FGF23: variants seen among roughly 807,000 people sequenced by gnomAD.
The protein encoded by FGF23 is phosphatonin.
A neutral mutation model predicts 9.0 loss-of-function variants in FGF23; 8 were observed. The ratio of observed to expected loss-of-function variants is 0.89; its 90% CI spans 0.52 to 1.60. FGF23 has a LOEUF of 1.60. Among genes scored for constraint, FGF23 ranks in the 40% most tolerant of loss-of-function variants. The pLI, the probability that FGF23 is intolerant of heterozygous loss-of-function variation, is 0.00. For synonymous variants in FGF23, 118 were observed against 146.2 expected, an observed-to-expected ratio of 0.81 and a Z score of 1.39; for missense variants, 311 against 344.3, an observed-to-expected ratio of 0.90 and a Z score of 0.77.
rs781325250 is a variant in FGF23 at position 4,370,697 on chromosome 12, G to A, written c.402C>T (p.Phe134=). The A allele has an allele frequency of 6.2e-7, 1 of 1,614,172 alleles. No individual in the cohort carries two copies. Among genetic ancestry groups the A allele is most frequent in the African/African-American group, 1.3e-5 (1 of 75,062 alleles). The part of the protein sequence containing the change: ...YDVYHSPQYH[F]LVSLGRAKRA... Reference sequence around the variant, plus strand: ...TCTTCGCCCGGCCCAGACTGACCAGGAAGTGATACTGAGGAGAGTGGTAGA... The same window carrying A: ...TCTTCGCCCGGCCCAGACTGACCAGAAAGTGATACTGAGGAGAGTGGTAGA... Residue 134 remains phenylalanine, a synonymous_variant, in exon 3 of 3, where the codon TTC becomes TTT. Transcript: ENST00000237837.
intron 1 of FGF23, among the ~76,000 whole-genome samples, chr12:4,374,558 G>C (rs943375989): frequency 1.3e-5 from 2 of 151,682 alleles, no homozygotes; most frequent in African/African-American, 4.8e-5. Flanking sequence ...GCTGAGGCAG[G>C]AGAATGGCAT....
chr12:4,370,484 G>C lies in FGF23; in HGVS notation c.615C>G (p.Ser205=). The C allele has an allele frequency of 6.2e-7, 1 of 1,612,040 alleles. No homozygotes were observed. Among genetic ancestry groups the C allele is most frequent in the South Asian group, 1.1e-5 (1 of 91,034 alleles). The change falls in exon 3 of 3, where the codon TCC becomes TCG. Residue 205 remains serine (S), a synonymous_variant. Transcript: ENST00000237837. ...CGGCGCTCGGGAGCTCCTGTGAACA[G>C]GAGGCCGGGGCCGGGGTCATCCGGG... ...PRARMTPAPA[S]CSQELPSAED...
chr12:4,372,087 A>G (rs2120732907), intron 2 of FGF23, among the ~76,000 whole-genome samples: 1 of 149,608 alleles, frequency 6.7e-6, no homozygotes, highest in Admixed American at 6.7e-5. Context: ...CAAAAAACCA[A>G]ACACCGCATA....
At chr12:4,370,922 T>G in intron 2 of FGF23, 139 bp from the exon 3 acceptor site, 1 of 757,450 alleles carries the variant, frequency 1.3e-6, no homozygotes, top group Non-Finnish European at 2.3e-6. Flanking sequence ...CACCCCTTTG[T>G]TCCCTGCTGG....
At chr12:4,373,374 A>T (rs1356732461) in intron 1 of FGF23, among the ~76,000 whole-genome samples, 1 of 152,206 alleles carries the variant, frequency 6.6e-6, no homozygotes, top group African/African-American at 2.4e-5. Context: ...CTATTACAGC[A>T]TGTATTCCAT....
chr12:4,376,378 GA>G (rs1279977181), intron 1 of FGF23, among the ~76,000 whole-genome samples: 1 of 152,160 alleles, frequency 6.6e-6, no homozygotes, highest in Non-Finnish European at 1.5e-5. Context: ...ATTAGGAGGG[GA>G]AAAAATACCC....
At chr12:4,372,872 C>T (rs1302295201) in intron 1 of FGF23, among the ~76,000 whole-genome samples, 175 bp from the exon 2 acceptor site, 2 of 152,170 alleles carry the variant, frequency 1.3e-5, no homozygotes, top group Non-Finnish European at 2.9e-5. Context: ...TTCTGACATC[C>T]TCTCTTGCCC....
intron 1 of FGF23, among the ~76,000 whole-genome samples, chr12:4,376,772 G>A (rs1474296235): frequency 1.3e-5 from 2 of 152,112 alleles, no homozygotes; most frequent in African/African-American, 2.4e-5. Context: ...TCCCACCTCG[G>A]CCTCCCAAAG....
rs772772136 is a variant in FGF23, at chr12:4,370,555, C to G, written c.544G>C (p.Glu182Gln). The G allele has an allele frequency of 6.2e-7, 1 of 1,613,758 alleles. No individual in the cohort carries two copies. Among genetic ancestry groups the G allele is most frequent in the African/African-American group, 1.3e-5 (1 of 74,882 alleles). Residue 182 changes from glutamate to glutamine, a missense_variant, in exon 3 of 3, where the codon GAG becomes CAG. Transcript: ENST00000237837. ...AGGGGGTCCCGCTCCGAGTCGTCCT[C>G]GGCGCTCCGGGTGTGCCGCCGTGGT... ...PIPRRHTRSA[E>Q]DDSERDPLNV...
At chr12:4,374,294 A>G (rs1465761979) in intron 1 of FGF23, among the ~76,000 whole-genome samples, 5 of 152,200 alleles carry the variant, frequency 3.3e-5, no homozygotes, top group Non-Finnish European at 7.3e-5. Context: ...GTGTCTGCCT[A>G]TGTGTCTCAA....
Position 4,379,450 on chromosome 12 carries a change from C to T in FGF23, c.133G>A (p.Ala45Thr), listed in dbSNP as rs754931370. Residue 45 changes from alanine to threonine, a missense_variant, in exon 1 of 3, where the codon GCC (alanine) becomes ACC (threonine). Coordinates refer to ENST00000237837, the MANE Select transcript of FGF23 (RefSeq NM_020638.3). ...SWGGLIHLYT[A>T]TARNSYHLQI... Reference sequence around the variant, plus strand: ...AGGTGGTAGCTGTTCCTGGCTGTGGCTGTGTACAGGTGGATCAGGCCACCC... The same window carrying T: ...AGGTGGTAGCTGTTCCTGGCTGTGGTTGTGTACAGGTGGATCAGGCCACCC... 3 of 1,613,482 alleles carry T rather than the reference C, an allele frequency of 1.9e-6. No individual in the cohort carries two copies. Among genetic ancestry groups the T allele is most frequent in the African/African-American group, 2.7e-5 (2 of 74,924 alleles).
Position 4,379,353 on chromosome 12 carries a change from A to G in FGF23, c.211+19T>C, listed in dbSNP as rs141828684. 2.6e-4 allele frequency: 419 copies of G among 1,605,666 alleles called. 2 individuals carry two copies. The African/African-American group carries it at 5.1e-3, about 20-fold the overall frequency. ...CAACAAGGGTGCTCCCCTTCTTCCC[A>G]GCCTGAAGCCCTACTCACTGTAGAT... is the stretch of plus-strand genomic sequence containing the variant. On this transcript the variant is annotated intron_variant, in intron 1 of 2. Transcript: ENST00000237837.
rs1064795205 is a variant in FGF23 at position 4,379,476 on chromosome 12, C to T, written c.107G>A (p.Trp36Ter). ...TGTGTACAGGTGGATCAGGCCACCC[C>T]AGCTGGAGCCGAGCAGTGGGGAGGC... ...PNASPLLGSS[W>*]GGLIHLYTAT... Residue 36 changes from tryptophan to a stop codon, truncating the protein, a stop_gained, in exon 1 of 3, where the codon TGG becomes TAG. Coordinates refer to ENST00000237837, the MANE Select transcript of FGF23 (RefSeq NM_020638.3). LOFTEE classifies it high-confidence loss of function. The T allele has an allele frequency of 4.3e-6, 7 of 1,613,292 alleles. No homozygotes were observed. Among genetic ancestry groups the T allele is most frequent in the Non-Finnish European group, 4.2e-6 (5 of 1,180,022 alleles).
chr12:4,369,793 T>C lies in FGF23; in HGVS notation c.*550A>G. On this transcript the variant is annotated 3_prime_UTR_variant, in exon 3 of 3. Transcript: ENST00000237837. ...AGATGCTCAAGGAAGAACGAAGGCTTGAAAGTAGTGTTTTCATCAACTTGC... is the reference window on the plus strand; with the variant it reads ...AGATGCTCAAGGAAGAACGAAGGCTCGAAAGTAGTGTTTTCATCAACTTGC... 4.3e-6 allele frequency: 1 copy of C among 229,904 alleles called. No individual in the cohort carries two copies. Among genetic ancestry groups the C allele is most frequent in the African/African-American group, 2.2e-5 (1 of 45,224 alleles). 14.2% of individuals were successfully genotyped at this position (229,904 alleles called of 1,614,324 possible). A position where few individuals can be genotyped will look rare whatever the true frequency, so the allele number is the denominator to read the frequency against.
chr12:4,372,757 C>T (rs1865077864), intron 1 of FGF23, 60 bp from the exon 2 acceptor site: 4 of 1,133,384 alleles, frequency 3.5e-6, no homozygotes, highest in Non-Finnish European at 5.4e-6. Flanking sequence ...CCTTCAAGCA[C>T]CTCCTGAAAA....
chr12:4,371,255 G>A (rs1865061576), intron 2 of FGF23, among the ~76,000 whole-genome samples: 1 of 152,194 alleles, frequency 6.6e-6, no homozygotes. Context: ...TCTACCACTA[G>A]TACTGGGTTT....
At chr12:4,371,670 T>A (rs1024398814) in intron 2 of FGF23, among the ~76,000 whole-genome samples, 1 of 152,198 alleles carries the variant, frequency 6.6e-6, no homozygotes, top group African/African-American at 2.4e-5. Context: ...GGGCAGGGGT[T>A]ATTAATTAAA....
At chr12:4,375,553 G>A (rs1865108592) in intron 1 of FGF23, among the ~76,000 whole-genome samples, 1 of 152,204 alleles carries the variant, frequency 6.6e-6, no homozygotes, top group Non-Finnish European at 1.5e-5. Context: ...AACAAACCAT[G>A]GACTGCCGGA....
In FGF23 at chr12:4,369,645, G is replaced by C. The variant is rs190329489; in HGVS notation, c.*698C>G. 4.4e-6 allele frequency: 1 copy of C among 229,740 alleles called. No homozygotes were observed. Among genetic ancestry groups the C allele is most frequent in the East Asian group, 6.2e-5 (1 of 16,164 alleles). 14.2% of individuals were successfully genotyped at this position (229,740 alleles called of 1,614,324 possible). The stretch of plus-strand genomic sequence containing the variant: ...CACAGAGGGAGACAGCGAGACAGAA[G>C]GTGCTCACCCTGTAGGGAGGCTGAG... On this transcript the variant is annotated 3_prime_UTR_variant, in exon 3 of 3. Transcript: ENST00000237837.
Sources: gnomAD v4.1 joint callset for allele counts (sites outside exome capture counted in the v4.1 genomes callset) on GRCh38, gnomAD v4.1.1 for gene constraint, MANE v1.5 for transcripts, NCBI Gene and HGNC (gene_info 2026-07-23, HGNC 2026-07-21) for gene names.